LAMC1: variants seen among roughly 807,000 people sequenced by gnomAD.
LAMC1 encodes the protein laminin subunit gamma 1.
Under a neutral mutation model 173.6 loss-of-function variants are expected in LAMC1, and 38 were observed. That is an observed-to-expected ratio of 0.22 (90% CI 0.17 to 0.29). The LOEUF is 0.29. Ranked by LOEUF, LAMC1 falls within the 10% of genes least tolerant of loss-of-function variation. The pLI is 1.00. For synonymous variants in LAMC1, 746 were observed against 749.1 expected, an observed-to-expected ratio of 1.00 and a Z score of 0.07; for missense variants, 1,824 against 2,051.8, an observed-to-expected ratio of 0.89 and a Z score of 2.14.
chr1:183,101,927 G>A (rs138069630), intron 1 of LAMC1, among the ~76,000 whole-genome samples: 3 of 152,294 alleles, frequency 2.0e-5, no homozygotes, highest in South Asian at 2.1e-4. Flanking sequence ...TATAGAGAAC[G>A]CTCAGTTGAA....
intron 1 of LAMC1, among the ~76,000 whole-genome samples, chr1:183,057,512 G>T (rs902754551): frequency 6.6e-6 from 1 of 152,170 alleles, no homozygotes; most frequent in African/African-American, 2.4e-5. Flanking sequence ...TGTAATCTCC[G>T]CATTTTGGGA....
intron 1 of LAMC1, among the ~76,000 whole-genome samples, chr1:183,102,706 C>CT (rs1432308744): frequency 2.0e-5 from 3 of 152,150 alleles, no homozygotes; most frequent in Non-Finnish European, 4.4e-5. Flanking sequence ...CTCCCTTTGT[C>CT]TTTTTTCCCC....
chr1:183,103,433 A>G lies in LAMC1; in HGVS notation c.524A>G (p.Tyr175Cys). 6.2e-7 allele frequency: 1 copy of G among 1,614,168 alleles called. No homozygotes were observed. Among genetic ancestry groups the G allele is most frequent in the South Asian group, 1.1e-5 (1 of 91,076 alleles). ...CGGGAAGACGGGCCCTGGATTCCTT[A>G]CCAGTACTACAGTGGTTCCTGTGAG... Reference protein sequence around the residue: ...RTREDGPWIPYQYYSGSCENT... With the variant: ...RTREDGPWIPCQYYSGSCENT... Residue 175 changes from tyrosine to cysteine, a missense_variant, in exon 2 of 28, where the codon TAC (tyrosine) becomes TGC (cysteine). Physicochemically the swap from Tyr to Cys is radical, Grantham distance 194. Coordinates refer to ENST00000258341, the MANE Select transcript of LAMC1 (RefSeq NM_002293.4).
At chr1:183,095,581 T>G (rs1655672606) in intron 1 of LAMC1, among the ~76,000 whole-genome samples, 1 of 152,246 alleles carries the variant, frequency 6.6e-6, no homozygotes, top group Non-Finnish European at 1.5e-5. Context: ...AAATCTCATG[T>G]CAGTCAAATC....
At chr1:183,062,732 A>G (rs1040154623) in intron 1 of LAMC1, among the ~76,000 whole-genome samples, 1 of 152,176 alleles carries the variant, frequency 6.6e-6, no homozygotes, top group Non-Finnish European at 1.5e-5. Context: ...TGGGCAGATC[A>G]TTTGAGGCCA....
Position 183,062,004 on chromosome 1 carries a change from A to G in LAMC1, c.418+37870A>G, listed in dbSNP as rs1248666802. On this transcript the variant is annotated intron_variant, in intron 1 of 27. Coordinates refer to ENST00000258341, the MANE Select transcript of LAMC1 (RefSeq NM_002293.4). ...GTGCCAGTTGACTCTGCACGTTTGC[A>G]TACAGCAGTTCTCAGATCTTCTTAG... is the stretch of plus-strand genomic sequence containing the variant. Among the ~76,000 whole-genome samples the G allele has an allele frequency of 9.2e-5, 14 of 152,260 alleles. 1 individual carries two copies. Among genetic ancestry groups the G allele is most frequent in the Non-Finnish European group, 1.3e-4 (9 of 68,048 alleles).
Position 183,142,907 on chromosome 1 carries a change from A to AC in LAMC1, c.*118dup. 1 of 1,034,526 alleles carries AC rather than the reference A, an allele frequency of 9.7e-7. No homozygotes were observed. The highest frequency in any genetic ancestry group is 1.4e-6 in the Non-Finnish European group (1 of 715,480). The allele number at this position is 1,034,526 out of a possible 1,614,324, so 64.1% of individuals were successfully genotyped here. A position where few individuals can be genotyped will look rare whatever the true frequency, so the allele number is the denominator to read the frequency against. The stretch of plus-strand genomic sequence containing the variant: ...CCCCACTCCTCTGCTGCTGTCCATG[A>AC]CTGTCCTTTTGAACCAGGAAAAGTC... On this transcript the variant is annotated 3_prime_UTR_variant, in exon 28 of 28. Coordinates refer to ENST00000258341, the MANE Select transcript of LAMC1 (RefSeq NM_002293.4).
intron 20 of LAMC1, 59 bp downstream of exon 20, chr1:183,131,437 G>GTT: frequency 1.0e-6 from 1 of 989,424 alleles, no homozygotes; most frequent in Non-Finnish European, 1.6e-6. Context: ...GGGTGTGTGT[G>GTT]TGTGTGTGTG....
chr1:183,099,338 C>T (rs1558047425), intron 1 of LAMC1, among the ~76,000 whole-genome samples: 1 of 152,152 alleles, frequency 6.6e-6, no homozygotes, highest in Admixed American at 6.5e-5. Flanking sequence ...GATCTGCCTG[C>T]CTCGGCCTCC....
At chr1:183,029,684 G>A (rs78171199) in intron 1 of LAMC1, among the ~76,000 whole-genome samples, 1,729 of 152,058 alleles carry the variant, frequency 0.011, 28 homozygotes, top group African/African-American at 0.04. Flanking sequence ...TCCCACTGAC[G>A]CCACCCTGTA....
chr1:183,129,949 G>A (rs183317673), intron 18 of LAMC1, among the ~76,000 whole-genome samples: 61 of 152,116 alleles, frequency 4.0e-4, no homozygotes, highest in African/African-American at 1.3e-3. Flanking sequence ...AAAAATGTTC[G>A]GCTTTTAGGG....
chr1:183,042,887 G>T (rs1023893331), intron 1 of LAMC1, among the ~76,000 whole-genome samples: 3 of 152,106 alleles, frequency 2.0e-5, no homozygotes, highest in African/African-American at 7.2e-5. Context: ...TATCTGCCTC[G>T]GAGGAGCACA....
At chr1:183,050,029 A>G (rs1367957340) in intron 1 of LAMC1, among the ~76,000 whole-genome samples, 1 of 152,118 alleles carries the variant, frequency 6.6e-6, no homozygotes, top group African/African-American at 2.4e-5. Context: ...TGTGCTAAAG[A>G]TGTCGTTCCC....
rs2296288 is a variant in LAMC1 at position 183,103,455 on chromosome 1, T to C, written c.546T>C (p.Cys182=). The C allele has an allele frequency of 0.57, 918,843 of 1,613,594 alleles. 264,977 individuals are homozygous for C. The highest frequency in any genetic ancestry group is 0.66 in the Admixed American group (39,751 of 59,984). Residue 182 remains cysteine, a synonymous_variant, in exon 2 of 28, where the codon TGT becomes TGC. Transcript: ENST00000258341. ...WIPYQYYSGS[C]ENTYSKANRG... ...CTTACCAGTACTACAGTGGTTCCTG[T>C]GAGAACACCTACTCCAAGGCAAACC...
chr1:183,093,975 A>G (rs1423749776), intron 1 of LAMC1, among the ~76,000 whole-genome samples: 1 of 152,188 alleles, frequency 6.6e-6, no homozygotes, highest in Admixed American at 6.5e-5. Flanking sequence ...TTGAAATGCT[A>G]GTTAGAGCCT....
intron 1 of LAMC1, among the ~76,000 whole-genome samples, chr1:183,030,728 A>C (rs1653828825): frequency 6.6e-6 from 1 of 152,236 alleles, no homozygotes; most frequent in South Asian, 2.1e-4. Context: ...ATGTGACTTG[A>C]AGGCAGCCTA....
At chr1:183,042,628 G>C (rs1403413390) in intron 1 of LAMC1, among the ~76,000 whole-genome samples, 1 of 152,124 alleles carries the variant, frequency 6.6e-6, no homozygotes, top group Non-Finnish European at 1.5e-5. Context: ...GCAGTTGTAG[G>C]GAGTGGATAT....
At chr1:183,105,707 G>A (rs923788484) in intron 2 of LAMC1, among the ~76,000 whole-genome samples, 1 of 152,044 alleles carries the variant, frequency 6.6e-6, no homozygotes, top group Non-Finnish European at 1.5e-5. Flanking sequence ...CATGAGTTAC[G>A]TGTCTCTGGA....
rs183723630 is a variant in LAMC1, at chr1:183,119,251, G to A, written c.1990+1105G>A. Among the ~76,000 whole-genome samples the A allele has an allele frequency of 1.7e-3, 255 of 152,154 alleles. 3 individuals are homozygous for A. Among genetic ancestry groups the A allele is most frequent in the African/African-American group, 5.1e-3 (210 of 41,498 alleles). ...AACAAGGACCTTTTTCTCTAGCAAG[G>A]TACAGCTGTTTGGGGAGGTGGAGTT... On this transcript the variant is annotated intron_variant, in intron 11 of 27. Coordinates refer to ENST00000258341, the MANE Select transcript of LAMC1 (RefSeq NM_002293.4).
Sources: gnomAD v4.1 joint callset for allele counts (sites outside exome capture counted in the v4.1 genomes callset) on GRCh38, gnomAD v4.1.1 for gene constraint, MANE v1.5 for transcripts, NCBI Gene and HGNC (gene_info 2026-07-23, HGNC 2026-07-21) for gene names.